ATXN10: variants seen among roughly 807,000 people sequenced by gnomAD.
ATXN10 encodes the protein ataxin-10.
ATXN10 carries 28 observed loss-of-function variants against 52.9 expected under a neutral mutation model. That is an observed-to-expected ratio of 0.53 (90% CI 0.39 to 0.73). The LOEUF is 0.73. Ranked by LOEUF, ATXN10 falls within the 30% of genes least tolerant of loss-of-function variation. The pLI, the probability that ATXN10 is intolerant of heterozygous loss-of-function variation, is 0.00. For missense variants in ATXN10, 565 were observed against 577.0 expected, an observed-to-expected ratio of 0.98 and a Z score of 0.21; for synonymous variants, 226 against 221.5, an observed-to-expected ratio of 1.02 and a Z score of -0.18.
At chr22:45,793,554 C>G in intron 9 of ATXN10, 1 of 1,268,424 alleles carries the variant, frequency 7.9e-7, no homozygotes, top group Non-Finnish European at 1.0e-6. Flanking sequence ...GCTCTTCAAT[C>G]TTTCTGTGAC....
At position 45,766,732 on chromosome 22, in the gene ATXN10, A is replaced by C. The variant is rs1041480839; in HGVS notation, c.1173+26194A>C. ...AGCAAATAAGCACATAAAATGATAAAGAAAAAATAGTGGAAAAGATTTGCA... is the reference window on the plus strand; with the variant it reads ...AGCAAATAAGCACATAAAATGATAACGAAAAAATAGTGGAAAAGATTTGCA... On this transcript the variant is annotated intron_variant, in intron 9 of 11. Coordinates refer to ENST00000252934, the MANE Select transcript of ATXN10 (RefSeq NM_013236.4). The surrounding 1 kb of genome is among the most constrained non-coding windows in gnomAD (Gnocchi z 4.6). Among the ~76,000 whole-genome samples, 1 of 152,250 alleles carries C rather than the reference A, an allele frequency of 6.6e-6. No individual in the cohort carries two copies. Among genetic ancestry groups the C allele is most frequent in the Non-Finnish European group, 1.5e-5 (1 of 68,042 alleles).
intron 9 of ATXN10, among the ~76,000 whole-genome samples, chr22:45,752,819 C>T (rs980963612): frequency 6.6e-6 from 1 of 151,892 alleles, no homozygotes; most frequent in Non-Finnish European, 1.5e-5. Flanking sequence ...ACGCAACCTC[C>T]GCCTCCCAGG....
chr22:45,842,572 C>G lies in ATXN10; in HGVS notation c.1238-419C>G, dbSNP rs1929382200. 6.6e-6 allele frequency among the ~76,000 whole-genome samples: 1 copy of G among 152,106 alleles called. No individual in the cohort carries two copies. Reference sequence around the variant, plus strand: ...TCTTTGTGACTGATTCTTTAGTGCTCTTCTTATTCTTTCCCTAGTGAGTCA... The same window carrying G: ...TCTTTGTGACTGATTCTTTAGTGCTGTTCTTATTCTTTCCCTAGTGAGTCA... On this transcript the variant is annotated intron_variant, in intron 10 of 11. Coordinates refer to ENST00000252934, the MANE Select transcript of ATXN10 (RefSeq NM_013236.4). This position sits in a 1 kb window ranked among gnomAD's most constrained non-coding sequence, Gnocchi z 4.8.
In ATXN10 at chr22:45,795,486, C is replaced by T. The variant is rs981071922; in HGVS notation, c.1174-11473C>T. Among the ~76,000 whole-genome samples the T allele has an allele frequency of 7.2e-5, 11 of 151,960 alleles. No individual in the cohort carries two copies. Among genetic ancestry groups the T allele is most frequent in the African/African-American group, 2.7e-4 (11 of 41,358 alleles). On this transcript the variant is annotated intron_variant, in intron 9 of 11. Transcript: ENST00000252934. The surrounding 1 kb of genome is among the most constrained non-coding windows in gnomAD (Gnocchi z 4.6). ...AGTGCAGTGGCGCGATCTCAGCTCA[C>T]TGCAACCTCTGCCTACCAGGTTCAA...
chr22:45,698,718 A>G (rs1329068265), intron 3 of ATXN10, among the ~76,000 whole-genome samples: 1 of 152,368 alleles, frequency 6.6e-6, no homozygotes, highest in East Asian at 1.9e-4. Flanking sequence ...GAAAATGGAA[A>G]GGAAGTAATA....
chr22:45,673,561 A>G (rs904447043), intron 1 of ATXN10: 3 of 152,222 alleles, frequency 2.0e-5, no homozygotes, highest in Admixed American at 2.0e-4. Context: ...CCAGTCATCA[A>G]CCATTTATTG....
rs939248743 is a variant in ATXN10 at position 45,671,962 on chromosome 22, C to A, written c.-102C>A. 89 of 1,348,064 alleles carry A rather than the reference C, an allele frequency of 6.6e-5. No individual in the cohort carries two copies. Among genetic ancestry groups the A allele is most frequent in the Non-Finnish European group, 8.2e-5 (81 of 988,876 alleles). The allele number at this position is 1,348,064 out of a possible 1,614,324, so 83.5% of individuals were successfully genotyped here. ...GGGCTGTGTAGGGCGAGGCCTCCCCCTTCCTCCTCGCCATCCTACTCCTCC... is the reference window on the plus strand; with the variant it reads ...GGGCTGTGTAGGGCGAGGCCTCCCCATTCCTCCTCGCCATCCTACTCCTCC... On this transcript the variant is annotated 5_prime_UTR_variant, in exon 1 of 12. Coordinates refer to ENST00000252934, the MANE Select transcript of ATXN10 (RefSeq NM_013236.4).
chr22:45,700,134 A>G (rs1192119979), intron 3 of ATXN10, 148 bp from the exon 4 acceptor site: 4 of 637,672 alleles, frequency 6.3e-6, no homozygotes, highest in Non-Finnish European at 1.0e-5. Context: ...TGTTATTCCC[A>G]AAGTGAACTT....
At chr22:45,811,803 G>A (rs949814159) in intron 10 of ATXN10, 2 of 470,482 alleles carry the variant, frequency 4.3e-6, no homozygotes, top group East Asian at 6.9e-5. Context: ...GGTGATTTTT[G>A]ATTCCCCATT....
intron 9 of ATXN10, among the ~76,000 whole-genome samples, chr22:45,765,445 G>A (rs1418925970): frequency 1.3e-5 from 2 of 152,094 alleles, no homozygotes; most frequent in African/African-American, 4.8e-5. Flanking sequence ...CTTGTGCTCT[G>A]GTGAATTATT....
At chr22:45,725,377 G>A (rs1254408380) in intron 6 of ATXN10, among the ~76,000 whole-genome samples, 2 of 146,566 alleles carry the variant, frequency 1.4e-5, no homozygotes, top group African/African-American at 5.0e-5. Flanking sequence ...CACCTTCTTG[G>A]TTAAATATAT....
chr22:45,683,061 G>A lies in ATXN10; in HGVS notation c.117-6651G>A, dbSNP rs1002227222. Reference sequence around the variant, plus strand: ...GGGCCGGGCACGGTGGCTCACGCCTGTCATCCCAGCACTTTGGGAGGCCAA... The same window carrying A: ...GGGCCGGGCACGGTGGCTCACGCCTATCATCCCAGCACTTTGGGAGGCCAA... On this transcript the variant is annotated intron_variant, in intron 1 of 11. Transcript: ENST00000252934. The surrounding 1 kb of genome is among the most constrained non-coding windows in gnomAD (Gnocchi z 4.8). 5.3e-5 allele frequency among the ~76,000 whole-genome samples: 8 copies of A among 152,196 alleles called. No individual in the cohort carries two copies. The highest frequency in any genetic ancestry group is 1.7e-4 in the African/African-American group (7 of 41,458).
Position 45,762,844 on chromosome 22 carries a change from G to C in ATXN10, c.1173+22306G>C, listed in dbSNP as rs1159635070. ...CCAAATTCCAAGTGAGAGTAATTGC[G>C]TGGCTTCCCTTGGGTCTGTCTCCAT... On this transcript the variant is annotated intron_variant, in intron 9 of 11. Transcript: ENST00000252934. The surrounding 1 kb of genome is among the most constrained non-coding windows in gnomAD (Gnocchi z 4.3). 6.6e-6 allele frequency among the ~76,000 whole-genome samples: 1 copy of C among 152,102 alleles called. No homozygotes were observed. Among genetic ancestry groups the C allele is most frequent in the Non-Finnish European group, 1.5e-5 (1 of 68,034 alleles).
rs1422607473 is a variant in ATXN10, at chr22:45,684,573, G to A, written c.117-5139G>A. ...AACAGTTTCATTAGAGCCCAGCCAT[G>A]TTCACTTGTTTAGGTGTTTCCTGTG... On this transcript the variant is annotated intron_variant, in intron 1 of 11. Coordinates refer to ENST00000252934, the MANE Select transcript of ATXN10 (RefSeq NM_013236.4). This position sits in a 1 kb window ranked among gnomAD's most constrained non-coding sequence, Gnocchi z 4.1. Among the ~76,000 whole-genome samples, 2 of 152,190 alleles carry A rather than the reference G, an allele frequency of 1.3e-5. No individual in the cohort carries two copies.
intron 6 of ATXN10, 86 bp from the exon 7 acceptor site, chr22:45,729,339 T>G: frequency 7.6e-7 from 1 of 1,324,064 alleles, no homozygotes; most frequent in African/African-American, 1.4e-5. Flanking sequence ...ATAATAATAT[T>G]CCCTTAAAGT....
At chr22:45,800,441 A>G (rs973549526) in intron 9 of ATXN10, among the ~76,000 whole-genome samples, 2 of 152,252 alleles carry the variant, frequency 1.3e-5, no homozygotes, top group Non-Finnish European at 2.9e-5. Context: ...AAAACGGCTG[A>G]CAACATATCA....
At position 45,781,460 on chromosome 22, in the gene ATXN10, T is replaced by C. The variant is rs756196647; in HGVS notation, c.1174-25499T>C. Among the ~76,000 whole-genome samples, 1 of 152,228 alleles carries C rather than the reference T, an allele frequency of 6.6e-6. No individual in the cohort carries two copies. Among genetic ancestry groups the C allele is most frequent in the African/African-American group, 2.4e-5 (1 of 41,452 alleles). On this transcript the variant is annotated intron_variant, in intron 9 of 11. Coordinates refer to ENST00000252934, the MANE Select transcript of ATXN10 (RefSeq NM_013236.4). The surrounding 1 kb of genome is among the most constrained non-coding windows in gnomAD (Gnocchi z 4.2). ...CCACAACCTGGCAGTAGTGAGCTGC[T>C]CTGCCTTCCACGTGCTGTTGTTGAA...
At position 45,789,149 on chromosome 22, in the gene ATXN10, C is replaced by G. The variant is rs1447981434; in HGVS notation, c.1174-17810C>G. On this transcript the variant is annotated intron_variant, in intron 9 of 11. Coordinates refer to ENST00000252934, the MANE Select transcript of ATXN10 (RefSeq NM_013236.4). This position sits in a 1 kb window ranked among gnomAD's most constrained non-coding sequence, Gnocchi z 4.0. ...ACATCTTCATGAGCTGAAAGGCTCA[C>G]CTGACCACCCCTCTAAAACAGTCTT... is the stretch of plus-strand genomic sequence containing the variant. 6.6e-6 allele frequency among the ~76,000 whole-genome samples: 1 copy of G among 152,206 alleles called. No homozygotes were observed. Among genetic ancestry groups the G allele is most frequent in the Admixed American group, 6.5e-5 (1 of 15,286 alleles).
chr22:45,765,463 C>T (rs769261447), intron 9 of ATXN10, among the ~76,000 whole-genome samples: 2 of 152,320 alleles, frequency 1.3e-5, no homozygotes, highest in East Asian at 3.9e-4. Context: ...ATTCCTCTCT[C>T]TCTCCCTAAT....
Sources: gnomAD v4.1 joint callset for allele counts (sites outside exome capture counted in the v4.1 genomes callset) on GRCh38, gnomAD v4.1.1 for gene constraint, Gnocchi (gnomAD v3.1) non-coding constraint, MANE v1.5 for transcripts, NCBI Gene and HGNC (gene_info 2026-07-23, HGNC 2026-07-21) for gene names.